The following RPTOR variants were observed in gnomAD, a reference collection of about 807,000 sequenced individuals.
The protein encoded by RPTOR is regulatory associated protein of MTOR complex 1.
In RPTOR, 21 loss-of-function variants were observed where a neutral mutation model predicts 169.9. That is an observed-to-expected ratio of 0.12 (90% CI 0.09 to 0.18). The LOEUF is 0.18. Ranked by LOEUF, RPTOR falls within the 10% of genes least tolerant of loss-of-function variation. The pLI is 1.00. For synonymous variants in RPTOR, 732 were observed against 753.2 expected (o/e 0.97, Z 0.46); for missense variants, 1,133 against 1,855.9 (o/e 0.61, Z 7.16).
At chr17:80,909,784 G>A (rs2068590356) in intron 21 of RPTOR, 1 of 152,080 alleles carries the variant, frequency 6.6e-6, no homozygotes, top group African/African-American at 2.4e-5. Flanking sequence ...TCAGTTTTTG[G>A]TTTCATTGGT....
At chr17:80,912,976 A>T (rs1260805539) in intron 21 of RPTOR, among the ~76,000 whole-genome samples, 1 of 152,170 alleles carries the variant, frequency 6.6e-6, no homozygotes, top group Admixed American at 6.5e-5. Context: ...TATGCATAGC[A>T]CAATGCAGCA....
At chr17:80,894,640 A>G (rs576250834) in intron 20 of RPTOR, among the ~76,000 whole-genome samples, 1 of 152,330 alleles carries the variant, frequency 6.6e-6, no homozygotes, top group East Asian at 1.9e-4. Context: ...GGCTTAACCA[A>G]ATGAGCCTCA....
chr17:80,894,153 T>C (rs767937573), intron 20 of RPTOR, among the ~76,000 whole-genome samples: 39 of 152,160 alleles, frequency 2.6e-4, no homozygotes, highest in Non-Finnish European at 8.8e-5. Flanking sequence ...CCATCTTTGT[T>C]CCATAGACGG....
intron 13 of RPTOR, 191 bp downstream of exon 13, chr17:80,858,091 G>A (rs2067875037): frequency 1.0e-5 from 6 of 602,582 alleles, no homozygotes; most frequent in South Asian, 9.2e-5. Context: ...CGTGGGGGCT[G>A]TCACCTACCT....
chr17:80,857,988 T>C (rs984320981), intron 13 of RPTOR, 88 bp downstream of exon 13: 3 of 1,025,478 alleles, frequency 2.9e-6, no homozygotes, highest in Admixed American at 1.9e-5. Flanking sequence ...GCCTGCCCTT[T>C]CTCCAGCCTC....
intron 3 of RPTOR, among the ~76,000 whole-genome samples, chr17:80,687,146 T>A (rs7501544): frequency 0.18 from 26,768 of 152,236 alleles, 3,767 homozygotes; most frequent in African/African-American, 0.39. Flanking sequence ...GCGCCTACAC[T>A]GCAGGCCTCT....
chr17:80,646,856 AC>A lies in RPTOR; in HGVS notation c.348+3047del, dbSNP rs1398371833. On this transcript the variant is annotated intron_variant, in intron 3 of 33. Coordinates refer to ENST00000306801, the MANE Select transcript of RPTOR (RefSeq NM_020761.3). This position sits in a 1 kb window ranked among gnomAD's most constrained non-coding sequence, Gnocchi z 5.0. ...AAAGTTTGTCGGAGTCGTTGCCTCC[AC>A]GCTGGCATGGATGGGAGCAGAGTAG... Among the ~76,000 whole-genome samples the A allele has an allele frequency of 6.6e-6, 1 of 152,196 alleles. No homozygotes were observed. Among genetic ancestry groups the A allele is most frequent in the African/African-American group, 2.4e-5 (1 of 41,440 alleles).
chr17:80,645,050 G>T (rs780387181), intron 3 of RPTOR, among the ~76,000 whole-genome samples: 2 of 152,178 alleles, frequency 1.3e-5, no homozygotes, highest in Admixed American at 6.5e-5. Flanking sequence ...TTTTCTTGAG[G>T]GCGCAGTGCG....
chr17:80,596,628 G>A (rs868475451), intron 1 of RPTOR, among the ~76,000 whole-genome samples: 1 of 152,096 alleles, frequency 6.6e-6, no homozygotes, highest in South Asian at 2.1e-4. Flanking sequence ...GCTTGATGAT[G>A]GTGTTGGTGT....
intron 5 of RPTOR, among the ~76,000 whole-genome samples, chr17:80,742,632 T>TAC (rs2066493852): frequency 6.6e-6 from 1 of 151,424 alleles, no homozygotes; most frequent in Non-Finnish European, 1.5e-5. Flanking sequence ...CACGCACATA[T>TAC]ACATACATGT....
chr17:80,583,439 C>T (rs2065034109), intron 1 of RPTOR, among the ~76,000 whole-genome samples: 1 of 152,138 alleles, frequency 6.6e-6, no homozygotes, highest in Admixed American at 6.5e-5. Context: ...GATCTGCAAG[C>T]CTTAGCCTCC....
intron 3 of RPTOR, among the ~76,000 whole-genome samples, chr17:80,690,070 T>C (rs2065977832): frequency 1.3e-5 from 2 of 152,200 alleles, no homozygotes; most frequent in Non-Finnish European, 2.9e-5. Flanking sequence ...CTCATTTGCT[T>C]CTTTATTTGT....
chr17:80,811,186 A>G (rs758299879), intron 7 of RPTOR, among the ~76,000 whole-genome samples: 1 of 152,206 alleles, frequency 6.6e-6, no homozygotes, highest in Non-Finnish European at 1.5e-5. Context: ...GGAACATTTT[A>G]TCTAAATCTA....
At chr17:80,940,878 G>T (rs753108063) in intron 25 of RPTOR, among the ~76,000 whole-genome samples, 1 of 152,210 alleles carries the variant, frequency 6.6e-6, no homozygotes, top group African/African-American at 2.4e-5. Context: ...GCTCTCCCGG[G>T]ACCCTGCCTC....
intron 7 of RPTOR, among the ~76,000 whole-genome samples, chr17:80,808,518 G>T (rs571899500): frequency 1.7e-4 from 26 of 152,254 alleles, no homozygotes; most frequent in Non-Finnish European, 2.6e-4. Context: ...TTTCTCCTTT[G>T]TTTTCACGTT....
intron 13 of RPTOR, among the ~76,000 whole-genome samples, chr17:80,874,085 CAGGTTTGAAA>C (rs1468786992): frequency 6.6e-6 from 1 of 152,102 alleles, no homozygotes; most frequent in African/African-American, 2.4e-5. Context: ...AATTTTAGGA[CAGGTTTGAAA>C]AAGATTGAAA....
intron 3 of RPTOR, among the ~76,000 whole-genome samples, chr17:80,655,641 A>C (rs1371807507): frequency 1.3e-5 from 2 of 148,562 alleles, no homozygotes; most frequent in East Asian, 4.0e-4. Flanking sequence ...CGGTGGTGTG[A>C]TCATGGCTCA....
chr17:80,739,372 G>A (rs972466553), intron 5 of RPTOR, among the ~76,000 whole-genome samples: 14 of 152,218 alleles, frequency 9.2e-5, no homozygotes, highest in African/African-American at 2.4e-4. Context: ...CGATAAGTCC[G>A]TCTGCGCAGA....
chr17:80,683,084 G>C (rs1323172317), intron 3 of RPTOR, among the ~76,000 whole-genome samples: 1 of 152,186 alleles, frequency 6.6e-6, no homozygotes, highest in South Asian at 2.1e-4. Flanking sequence ...TTACAGGCGC[G>C]AGCCAAGCGC....
Sources: allele counts gnomAD v4.1 joint callset (sites outside exome capture counted in the v4.1 genomes callset), GRCh38; gene constraint gnomAD v4.1.1; non-coding constraint Gnocchi (gnomAD v3.1); transcripts MANE v1.5; gene names NCBI Gene and HGNC (gene_info 2026-07-23, HGNC 2026-07-21).